The following SOX5 variants were observed in gnomAD, a reference collection of about 807,000 sequenced individuals.
The protein encoded by SOX5 is transcription factor SOX-5.
SOX5 carries 9 observed loss-of-function variants against 92.0 expected under a neutral mutation model. That is an observed-to-expected ratio of 0.10 (90% CI 0.06 to 0.17). SOX5 has a LOEUF of 0.17. Among genes scored for constraint, SOX5 ranks in the 10% least tolerant of loss-of-function variants. SOX5 has a pLI of 1.00. For missense variants in SOX5, 642 were observed against 944.5 expected, an observed-to-expected ratio of 0.68 and a Z score of 4.20; for synonymous variants, 344 against 336.3, an observed-to-expected ratio of 1.02 and a Z score of -0.25.
rs144112312 is a variant in SOX5 at position 24,519,562 on chromosome 12, T to C, written c.-251+42767A>G. 5.6e-4 allele frequency among the ~76,000 whole-genome samples: 86 copies of C among 152,290 alleles called. No homozygotes were observed. The East Asian group carries it at 0.014, about 25-fold the overall frequency. On this transcript the variant is annotated intron_variant, in intron 1 of 4. Coordinates refer to the SOX5 transcript ENST00000446891. ...TGTTCTATGCAGCAGAAACAGGATG[T>C]ACTAAATTCCTGGGTTGGAAAAATG... is the stretch of plus-strand genomic sequence containing the variant.
chr12:24,547,398 A>G (rs1357433460), intron 1 of SOX5, among the ~76,000 whole-genome samples: 2 of 151,260 alleles, frequency 1.3e-5, no homozygotes, highest in Non-Finnish European at 3.0e-5. Flanking sequence ...TCACCTTGTT[A>G]GCCAGGATGG....
chr12:23,842,647 A>C (rs958168593), intron 3 of SOX5, among the ~76,000 whole-genome samples: 21 of 152,202 alleles, frequency 1.4e-4, no homozygotes, highest in African/African-American at 5.1e-4. Context: ...CAGAGTCAGA[A>C]AGAAAAGAAG....
intron 4 of SOX5, among the ~76,000 whole-genome samples, chr12:23,996,353 G>A (rs894203133): frequency 2.6e-5 from 4 of 152,154 alleles, no homozygotes; most frequent in African/African-American, 9.7e-5. Flanking sequence ...ATGTTGGTGA[G>A]CATGTGAAGA....
At chr12:23,561,175 A>T (rs938868946) in intron 11 of SOX5, among the ~76,000 whole-genome samples, 7 of 152,218 alleles carry the variant, frequency 4.6e-5, no homozygotes, top group East Asian at 1.9e-4. Context: ...GGATTTTTTT[A>T]AAGTTGTTAT....
chr12:23,869,197 T>C (rs1424293002), intron 2 of SOX5, among the ~76,000 whole-genome samples: 1 of 152,202 alleles, frequency 6.6e-6, no homozygotes, highest in East Asian at 1.9e-4. Flanking sequence ...TTTTACTAGA[T>C]TCCTTGAAAG....
At chr12:24,543,435 C>A (rs140270445) in intron 1 of SOX5, among the ~76,000 whole-genome samples, 1 of 152,292 alleles carries the variant, frequency 6.6e-6, no homozygotes, top group East Asian at 1.9e-4. Flanking sequence ...ACCTGTAATC[C>A]GAGCACTTCG....
intron 4 of SOX5, among the ~76,000 whole-genome samples, chr12:24,158,156 T>A (rs894251995): frequency 4.6e-5 from 7 of 152,036 alleles, no homozygotes; most frequent in African/African-American, 1.7e-4. Flanking sequence ...TTAATTAGCA[T>A]GTAGGTCATA....
chr12:23,905,254 G>A (rs1414503633), intron 1 of SOX5, among the ~76,000 whole-genome samples: 2 of 152,086 alleles, frequency 1.3e-5, no homozygotes, highest in African/African-American at 4.8e-5. Context: ...AACAGTTTAT[G>A]GCAGCCAAAT....
intron 1 of SOX5, among the ~76,000 whole-genome samples, chr12:24,408,956 C>T (rs538287980): frequency 2.0e-5 from 3 of 152,232 alleles, no homozygotes; most frequent in Admixed American, 2.0e-4. Flanking sequence ...TATCATTTGA[C>T]CCAGCAATCC....
intron 4 of SOX5, among the ~76,000 whole-genome samples, chr12:24,180,489 G>A (rs1365193630): frequency 6.6e-6 from 1 of 152,072 alleles, no homozygotes; most frequent in African/African-American, 2.4e-5. Context: ...TAAGTCTAAG[G>A]ACTTGTTGTG....
rs112873259 is a variant in SOX5, at chr12:23,809,181, C to T, written c.481+36802G>A. 4.9e-3 allele frequency among the ~76,000 whole-genome samples: 744 copies of T among 152,164 alleles called. 3 individuals carry two copies. The highest frequency in any genetic ancestry group is 0.016 in the African/African-American group (676 of 41,516). ...TTTATATATTTATATATGCACAGAACATCTCTGGAGATATCCAGAAGGAAA... is the reference window on the plus strand; with the variant it reads ...TTTATATATTTATATATGCACAGAATATCTCTGGAGATATCCAGAAGGAAA... On this transcript the variant is annotated intron_variant, in intron 3 of 14. Transcript: ENST00000451604.
At chr12:23,561,550 G>A (rs184556577) in intron 11 of SOX5, among the ~76,000 whole-genome samples, 1 of 152,228 alleles carries the variant, frequency 6.6e-6, no homozygotes, top group Admixed American at 6.5e-5. Flanking sequence ...ATTGCCCTCC[G>A]ATGTGAATGA....
intron 7 of SOX5, among the ~76,000 whole-genome samples, chr12:23,661,503 C>T (rs2139324625): frequency 6.6e-6 from 1 of 152,278 alleles, no homozygotes; most frequent in African/African-American, 2.4e-5. Context: ...TTTAGGCTGA[C>T]ACCAACATGA....
Position 23,575,675 on chromosome 12 carries a change from C to G in SOX5, c.1328G>C (p.Arg443Thr). The stretch of plus-strand genomic sequence containing the variant: ...ACAGAACTTACCTATTGTGCTAACT[C>G]TGGCTGAAGGACTAGCTAACGCTGC... ...VPAALASPSARVSTIGYLNDH... is the reference protein window; with the variant it reads ...VPAALASPSATVSTIGYLNDH... Residue 443 changes from arginine (R) to threonine (T), a missense_variant, in exon 10 of 15, where the codon AGA (arginine) becomes ACA (threonine). By Grantham distance (71) the Arg-to-Thr change is moderately conservative. Transcript: ENST00000451604. 6.2e-7 allele frequency: 1 copy of G among 1,614,174 alleles called. No homozygotes were observed. The highest frequency in any genetic ancestry group is 8.5e-7 in the Non-Finnish European group (1 of 1,180,000).
chr12:24,412,078 A>G (rs1182187607), intron 1 of SOX5, among the ~76,000 whole-genome samples: 1 of 152,044 alleles, frequency 6.6e-6, no homozygotes, highest in East Asian at 1.9e-4. Flanking sequence ...TAGTAGTCCC[A>G]TATTATCCTT....
intron 4 of SOX5, among the ~76,000 whole-genome samples, chr12:24,106,447 T>C (rs1483002039): frequency 6.6e-6 from 1 of 152,158 alleles, no homozygotes; most frequent in Non-Finnish European, 1.5e-5. Flanking sequence ...ATAATTCATG[T>C]GAAATGTATC....
At chr12:24,489,765 G>T (rs1186007925) in intron 1 of SOX5, among the ~76,000 whole-genome samples, 1 of 152,122 alleles carries the variant, frequency 6.6e-6, no homozygotes, top group African/African-American at 2.4e-5. Flanking sequence ...CCCAAGGCAG[G>T]GCAGCAGCAC....
At position 24,158,522 on chromosome 12, in the gene SOX5, C is replaced by G. The variant is rs1565554558; in HGVS notation, c.-2+54821G>C. Among the ~76,000 whole-genome samples, 4 of 151,864 alleles carry G rather than the reference C, an allele frequency of 2.6e-5. No homozygotes were observed. The South Asian group carries it at 6.2e-4, about 24-fold the overall frequency. The stretch of plus-strand genomic sequence containing the variant: ...TGTCAAATCACAGTAATCTTTATGC[C>G]ATTAAACGTAGCTTTGAGGTATGGG... On this transcript the variant is annotated intron_variant, in intron 4 of 4. Coordinates refer to the SOX5 transcript ENST00000446891.
rs558973335 is a variant in SOX5 at position 23,685,636 on chromosome 12, C to T, written c.811-20072G>A. ...TCTAAAAATCCTTTTTGTCCCCCCC[C>T]CCAAAAATCTAATACAGAACCCTAA... On this transcript the variant is annotated intron_variant, in intron 6 of 14. Transcript: ENST00000451604. 1.2e-4 allele frequency among the ~76,000 whole-genome samples: 18 copies of T among 148,636 alleles called. No individual in the cohort carries two copies. In the South Asian group the frequency reaches 3.0e-3, roughly 24 times the overall value.
Sources: gnomAD v4.1 joint callset for allele counts (sites outside exome capture counted in the v4.1 genomes callset) on GRCh38, gnomAD v4.1.1 for gene constraint, MANE v1.5 for transcripts, NCBI Gene and HGNC (gene_info 2026-07-23, HGNC 2026-07-21) for gene names.